The following ADGRB3 variants were observed in gnomAD, a reference collection of about 807,000 sequenced individuals.
ADGRB3 encodes adhesion G protein-coupled receptor B3.
ADGRB3 carries 37 observed loss-of-function variants against 193.4 expected under a neutral mutation model. The observed-to-expected ratio is 0.19, with a 90% CI of 0.15 to 0.25. The LOEUF (loss-of-function observed/expected upper bound fraction) is 0.25. Among genes scored for constraint, ADGRB3 ranks in the 10% least tolerant of loss-of-function variants. ADGRB3 has a pLI of 1.00. For synonymous variants in ADGRB3, 690 were observed against 644.2 expected, an observed-to-expected ratio of 1.07 and a Z score of -1.08; for missense variants, 1,637 against 1,852.9, an observed-to-expected ratio of 0.88 and a Z score of 2.14.
At chr6:68,879,398 T>C (rs947231517) in intron 3 of ADGRB3, among the ~76,000 whole-genome samples, 8 of 151,748 alleles carry the variant, frequency 5.3e-5, no homozygotes, top group Non-Finnish European at 1.0e-4. Flanking sequence ...TTGTATATTT[T>C]TTTGTATTTT....
intron 17 of ADGRB3, among the ~76,000 whole-genome samples, chr6:69,160,331 A>T (rs1437832266): frequency 6.6e-6 from 1 of 151,934 alleles, no homozygotes; most frequent in African/African-American, 2.4e-5. Flanking sequence ...CTCATGTGCT[A>T]CCTACCCCTT....
chr6:69,145,572 T>G (rs1026377005), intron 17 of ADGRB3, among the ~76,000 whole-genome samples: 1 of 152,194 alleles, frequency 6.6e-6, no homozygotes, highest in Non-Finnish European at 1.5e-5. Flanking sequence ...CTTTCAGCCC[T>G]GGCATTCAGT....
At chr6:69,057,686 C>G (rs908707966) in intron 15 of ADGRB3, among the ~76,000 whole-genome samples, 1 of 151,940 alleles carries the variant, frequency 6.6e-6, no homozygotes, top group South Asian at 2.1e-4. Context: ...TCAATTGAGA[C>G]AGTCATGCAG....
chr6:69,225,980 C>A (rs1222464801), intron 17 of ADGRB3, among the ~76,000 whole-genome samples: 1 of 151,996 alleles, frequency 6.6e-6, no homozygotes, highest in Non-Finnish European at 1.5e-5. Flanking sequence ...TATTTATAAC[C>A]CAGTAGATTG....
At chr6:68,823,349 G>A (rs1767782094) in intron 3 of ADGRB3, among the ~76,000 whole-genome samples, 1 of 151,700 alleles carries the variant, frequency 6.6e-6, no homozygotes, top group Admixed American at 6.6e-5. Context: ...TTACAACAAG[G>A]TTTCCCATCA....
intron 1 of ADGRB3, among the ~76,000 whole-genome samples, chr6:68,636,288 G>A (rs1163138075): frequency 1.3e-5 from 2 of 151,966 alleles, no homozygotes; most frequent in African/African-American, 2.4e-5. Context: ...AAAATTTTAG[G>A]TTAAAAGGAA....
chr6:68,885,372 A>T (rs1765879325), intron 3 of ADGRB3, among the ~76,000 whole-genome samples: 1 of 152,160 alleles, frequency 6.6e-6, no homozygotes, highest in Non-Finnish European at 1.5e-5. Context: ...TTAATTGAAC[A>T]TATTATGTAT....
intron 17 of ADGRB3, among the ~76,000 whole-genome samples, chr6:69,097,059 AAG>A (rs1473553335): frequency 1.3e-5 from 2 of 152,244 alleles, no homozygotes; most frequent in African/African-American, 4.8e-5. Context: ...GACATTAAGA[AAG>A]AGATTTCACT....
At chr6:68,642,804 C>T (rs749038527) in intron 3 of ADGRB3, among the ~76,000 whole-genome samples, 9 of 146,278 alleles carry the variant, frequency 6.2e-5, no homozygotes, top group Admixed American at 5.4e-4. Context: ...ATGGCTATAA[C>T]TTAAAAAAAA....
intron 3 of ADGRB3, among the ~76,000 whole-genome samples, chr6:68,927,056 A>G (rs1420049946): frequency 1.3e-5 from 2 of 152,178 alleles, no homozygotes; most frequent in African/African-American, 4.8e-5. Flanking sequence ...ATCTCTAATC[A>G]TTTGGGTTTT....
At chr6:69,341,184 T>C (rs1190514220) in intron 26 of ADGRB3, among the ~76,000 whole-genome samples, 1 of 152,244 alleles carries the variant, frequency 6.6e-6, no homozygotes, top group African/African-American at 2.4e-5. Flanking sequence ...CCTTGAGGAA[T>C]CATCACACTG....
chr6:69,220,821 A>G (rs1026189211), intron 17 of ADGRB3, among the ~76,000 whole-genome samples: 2 of 152,150 alleles, frequency 1.3e-5, no homozygotes, highest in African/African-American at 4.8e-5. Flanking sequence ...ATATTTATTT[A>G]AATACATGGC....
At chr6:68,755,363 C>T (rs1452377365) in intron 3 of ADGRB3, among the ~76,000 whole-genome samples, 3 of 152,044 alleles carry the variant, frequency 2.0e-5, no homozygotes, top group African/African-American at 7.3e-5. Flanking sequence ...ACAGTTTTGA[C>T]CTGACTGGGC....
chr6:68,920,981 C>G (rs962212139), intron 3 of ADGRB3, among the ~76,000 whole-genome samples: 4 of 151,902 alleles, frequency 2.6e-5, no homozygotes, highest in African/African-American at 9.7e-5. Flanking sequence ...TAAAAATACG[C>G]TTTATGTATA....
intron 20 of ADGRB3, among the ~76,000 whole-genome samples, chr6:69,308,081 G>A (rs1035709922): frequency 6.6e-6 from 1 of 151,438 alleles, no homozygotes; most frequent in Non-Finnish European, 1.5e-5. Flanking sequence ...AAGAATTTGA[G>A]AAGATATAGA....
intron 3 of ADGRB3, among the ~76,000 whole-genome samples, chr6:68,727,567 T>A (rs934290233): frequency 3.3e-5 from 5 of 151,512 alleles, no homozygotes; most frequent in Admixed American, 6.6e-5. Context: ...GCTGGTACAT[T>A]GTAATTTAAC....
chr6:69,151,011 C>G (rs2150341309), intron 17 of ADGRB3, among the ~76,000 whole-genome samples: 1 of 152,322 alleles, frequency 6.6e-6, no homozygotes, highest in African/African-American at 2.4e-5. Context: ...GCTTTCTTCT[C>G]ATCTTCTGAA....
chr6:69,239,764 G>T (rs1766346842), intron 20 of ADGRB3, among the ~76,000 whole-genome samples: 2 of 151,942 alleles, frequency 1.3e-5, no homozygotes. Flanking sequence ...AAGGTATTTT[G>T]ATACTTAGCA....
chr6:69,023,863 A>G (rs980491622), intron 13 of ADGRB3, among the ~76,000 whole-genome samples: 5 of 152,154 alleles, frequency 3.3e-5, no homozygotes, highest in African/African-American at 1.2e-4. Context: ...CTGAGGCTAG[A>G]ATTGATAGGA....
Sources: gnomAD v4.1 joint callset for allele counts (sites outside exome capture counted in the v4.1 genomes callset) on GRCh38, gnomAD v4.1.1 for gene constraint, MANE v1.5 for transcripts, NCBI Gene and HGNC (gene_info 2026-07-23, HGNC 2026-07-21) for gene names.